LYST: variants seen among roughly 807,000 people sequenced by gnomAD.
LYST encodes lysosomal trafficking regulator.
Under a neutral mutation model 413.6 loss-of-function variants are expected in LYST, and 192 were observed. That is an observed-to-expected ratio of 0.46 (90% CI 0.41 to 0.52). The LOEUF is 0.52. Ranked by LOEUF, LYST falls within the 20% of genes least tolerant of loss-of-function variation. The pLI is 0.00. For missense variants in LYST, 3,815 were observed against 4,499.9 expected, an observed-to-expected ratio of 0.85 and a Z score of 4.35; for synonymous variants, 1,525 against 1,567.3, an observed-to-expected ratio of 0.97 and a Z score of 0.64.
At chr1:235,752,557 G>A (rs1012696063) in intron 26 of LYST, among the ~76,000 whole-genome samples, 2 of 152,056 alleles carry the variant, frequency 1.3e-5, no homozygotes, top group African/African-American at 4.8e-5. Context: ...AACATTCTGC[G>A]AAGACTTTTC....
intron 28 of LYST, among the ~76,000 whole-genome samples, chr1:235,747,995 T>C (rs547225020): frequency 1.3e-5 from 2 of 152,282 alleles, no homozygotes; most frequent in Admixed American, 6.5e-5. Flanking sequence ...TAGCAACTGG[T>C]ACATGGTTGG....
intron 39 of LYST, among the ~76,000 whole-genome samples, chr1:235,722,905 T>C (rs866382371): frequency 2.0e-5 from 3 of 152,174 alleles, no homozygotes; most frequent in African/African-American, 7.2e-5. Context: ...CTAAGAAATA[T>C]GGCAATTTTT....
At chr1:235,825,445 G>T (rs903701822) in intron 3 of LYST, among the ~76,000 whole-genome samples, 3 of 152,026 alleles carry the variant, frequency 2.0e-5, no homozygotes, top group Non-Finnish European at 4.4e-5. Context: ...AAATCCTAGG[G>T]AATCTACAGA....
At chr1:235,746,899 A>G (rs1665976154) in intron 28 of LYST, among the ~76,000 whole-genome samples, 1 of 152,220 alleles carries the variant, frequency 6.6e-6, no homozygotes, top group South Asian at 2.1e-4. Flanking sequence ...GTTTTAATGC[A>G]CATAATTTTT....
intron 1 of LYST, among the ~76,000 whole-genome samples, chr1:235,879,634 A>G (rs1193299871): frequency 2.6e-5 from 4 of 152,258 alleles, no homozygotes; most frequent in Admixed American, 6.5e-5. Flanking sequence ...ATTACATACT[A>G]ACTCCCTTTC....
chr1:235,783,331 T>G (rs75390490), intron 14 of LYST, among the ~76,000 whole-genome samples: 4,439 of 152,246 alleles, frequency 0.029, 201 homozygotes, highest in African/African-American at 0.1. Context: ...TACTTCTCCT[T>G]GACCAAATAA....
Position 235,686,982 on chromosome 1 carries a change from G to A in LYST, c.10767C>T (p.Ile3589=), listed in dbSNP as rs1660268197. The A allele has an allele frequency of 6.2e-7, 1 of 1,613,948 alleles. No homozygotes were observed. Among genetic ancestry groups the A allele is most frequent in the Non-Finnish European group, 8.5e-7 (1 of 1,180,002 alleles). ...QLFTGSKCGV[I]TAYTNRFTSS... is the part of the protein sequence containing the mutation. ...TTGTAAATCTGTTTGTGTAGGCTGT[G>A]ATGACACCGCATTTGCTTCCAGTAA... The change falls in exon 48 of 53, where the codon ATC becomes ATT. Residue 3589 remains isoleucine (I), a synonymous_variant. Coordinates refer to ENST00000389793, the MANE Select transcript of LYST (RefSeq NM_000081.4). The surrounding 1 kb of genome is among the most constrained non-coding windows in gnomAD (Gnocchi z 4.0).
chr1:235,747,185 C>A (rs1442528104), intron 28 of LYST: 1 of 442,916 alleles, frequency 2.3e-6, no homozygotes, highest in East Asian at 7.0e-5. Flanking sequence ...CCAGGAGGTA[C>A]AACACAGGTA....
intron 8 of LYST, 25 bp downstream of exon 8, chr1:235,802,883 T>C (rs1400575061): frequency 1.2e-6 from 2 of 1,611,408 alleles, no homozygotes; most frequent in Non-Finnish European, 1.7e-6. Flanking sequence ...CAGATCTAAT[T>C]ACAAGCACTT....
chr1:235,756,039 A>G (rs553500607), intron 24 of LYST, among the ~76,000 whole-genome samples: 1 of 145,474 alleles, frequency 6.9e-6, no homozygotes, highest in Admixed American at 6.8e-5. Context: ...ATCTATATCT[A>G]TATCTATATC....
At chr1:235,833,723 A>C (rs1458685091) in intron 1 of LYST, 56 bp from the exon 2 acceptor site, 1 of 317,818 alleles carries the variant, frequency 3.1e-6, no homozygotes, top group African/African-American at 2.2e-5. Context: ...ATTTTAACAA[A>C]GTTGTGACAT....
intron 20 of LYST, among the ~76,000 whole-genome samples, chr1:235,768,482 A>G (rs1337639877): frequency 1.3e-5 from 2 of 152,096 alleles, no homozygotes; most frequent in Non-Finnish European, 2.9e-5. Flanking sequence ...CTTAAAGGCA[A>G]AGACTAAGTT....
intron 14 of LYST, among the ~76,000 whole-genome samples, chr1:235,784,828 AT>A (rs1670248933): frequency 6.6e-6 from 1 of 152,180 alleles, no homozygotes; most frequent in South Asian, 2.1e-4. Flanking sequence ...CTGGAAACAA[AT>A]TTGCTGATTG....
At chr1:235,758,944 G>A (rs1210604854) in intron 23 of LYST, 28 bp downstream of exon 23, 6 of 1,609,968 alleles carry the variant, frequency 3.7e-6, no homozygotes, top group Non-Finnish European at 4.2e-6. Flanking sequence ...AATAAAGGTG[G>A]GAGGAGTGTA....
Position 235,808,827 on chromosome 1 carries a change from G to A in LYST, c.1991C>T (p.Ser664Phe). The stretch of plus-strand genomic sequence containing the variant: ...GTAAGAAGGACTGGATAAACTTGAG[G>A]AGAGTTCAGCATCACATAAGTTTCC... ...LQGNLCDAEL[S>F]SSLSSPSYRF... The change falls in exon 5 of 53, where the codon TCC (serine) becomes TTC (phenylalanine). Residue 664 changes from serine to phenylalanine, a missense_variant. By Grantham distance (155) the Ser-to-Phe change is radical. Coordinates refer to ENST00000389793, the MANE Select transcript of LYST (RefSeq NM_000081.4). 1 of 1,614,060 alleles carries A rather than the reference G, an allele frequency of 6.2e-7. No individual in the cohort carries two copies.
Position 235,666,221 on chromosome 1 carries a change from TACATACAC to T in LYST, c.11039-1608_11039-1601del, listed in dbSNP as rs781319727. Reference sequence around the variant, plus strand: ...AGATGCATAAACAAAATGCAGTATGTACATACACACACACACACACACACACACACACA... The same window carrying T: ...AGATGCATAAACAAAATGCAGTATGTACACACACACACACACACACACACA... On this transcript the variant is annotated intron_variant, in intron 50 of 52. Transcript: ENST00000389793. 9.3e-3 allele frequency among the ~76,000 whole-genome samples: 1,086 copies of T among 116,244 alleles called. 18 individuals carry two copies. Among genetic ancestry groups the T allele is most frequent in the African/African-American group, 0.033 (1,020 of 30,828 alleles). 76.3% of individuals were successfully genotyped at this position (116,244 alleles called of 152,430 possible).
At chr1:235,771,913 GTTTGTTTT>G (rs1463659545) in intron 19 of LYST, among the ~76,000 whole-genome samples, 3 of 95,182 alleles carry the variant, frequency 3.2e-5, no homozygotes, top group East Asian at 4.2e-4. Flanking sequence ...AGGTTTTTTA[GTTTGTTTT>G]TTTTTTTTTT....
chr1:235,789,853 T>C (rs1298419128), intron 12 of LYST, among the ~76,000 whole-genome samples: 1 of 152,186 alleles, frequency 6.6e-6, no homozygotes, highest in Non-Finnish European at 1.5e-5. Flanking sequence ...AACCAGTGTG[T>C]ACCTAGGAAT....
At chr1:235,853,885 C>T (rs1678850047) in intron 1 of LYST, among the ~76,000 whole-genome samples, 1 of 152,086 alleles carries the variant, frequency 6.6e-6, no homozygotes, top group African/African-American at 2.4e-5. Context: ...CAAACAAATT[C>T]GGCAACCAGA....
Sources: gnomAD v4.1 joint callset for allele counts (sites outside exome capture counted in the v4.1 genomes callset) on GRCh38, gnomAD v4.1.1 for gene constraint, Gnocchi (gnomAD v3.1) non-coding constraint, MANE v1.5 for transcripts, NCBI Gene and HGNC (gene_info 2026-07-23, HGNC 2026-07-21) for gene names.